CLMP: variants seen among roughly 807,000 people sequenced by gnomAD.
CLMP encodes the protein CXADR-like membrane protein.
CLMP carries 27 observed loss-of-function variants against 45.2 expected under a neutral mutation model. The ratio of observed to expected loss-of-function variants is 0.60; its 90% CI spans 0.44 to 0.82. The LOEUF (loss-of-function observed/expected upper bound fraction) is 0.82, where lower values mean the gene tolerates loss of function less well. CLMP is among the 40% of genes least tolerant of loss of function. The pLI is 0.00. For missense variants in CLMP, 403 were observed against 448.4 expected (o/e 0.90, Z 0.91); for synonymous variants, 167 against 171.4 (o/e 0.97, Z 0.20).
intron 1 of CLMP, among the ~76,000 whole-genome samples, chr11:123,110,093 G>A (rs547902343): frequency 1.7e-4 from 26 of 152,244 alleles, no homozygotes; most frequent in East Asian, 5.8e-4. Flanking sequence ...TCAGAATTAC[G>A]GAATCATTAT....
Position 123,084,569 on chromosome 11 carries a change from A to T in CLMP, c.331T>A (p.Cys111Ser). The stretch of plus-strand genomic sequence containing the variant: ...TAGCGCCCTGAATTCTTAACCTTAC[A>T]GGTGTACCGGCCCTCATCACTGGGC... ...LKPSDEGRYT[C>S]KVKNSGRYVW... Residue 111 changes from cysteine (C) to serine (S), a missense_variant, in exon 3 of 7, where the codon TGT (cysteine) becomes AGT (serine). Coordinates refer to ENST00000448775, the MANE Select transcript of CLMP (RefSeq NM_024769.5). 6.2e-7 allele frequency: 1 copy of T among 1,614,220 alleles called. No homozygotes were observed. The highest frequency in any genetic ancestry group is 8.5e-7 in the Non-Finnish European group (1 of 1,180,042).
intron 1 of CLMP, among the ~76,000 whole-genome samples, chr11:123,112,901 A>G (rs778888607): frequency 4.7e-5 from 7 of 149,768 alleles, no homozygotes; most frequent in Admixed American, 1.4e-4. Context: ...AGCCTCCTGC[A>G]TAGCTGGGAC....
rs115577708 is a variant in CLMP at position 123,109,134 on chromosome 11, G to T, written c.29-11182C>A. Among the ~76,000 whole-genome samples, 24 of 150,860 alleles carry T rather than the reference G, an allele frequency of 1.6e-4. No homozygotes were observed. In the East Asian group the frequency reaches 4.7e-3, roughly 30 times the overall value. ...CCTCCCTTCCCCTCTGTGAAAAACTGTCTCAGTAGGAACTTTGCAAGTGTT... is the reference window on the plus strand; with the variant it reads ...CCTCCCTTCCCCTCTGTGAAAAACTTTCTCAGTAGGAACTTTGCAAGTGTT... On this transcript the variant is annotated intron_variant, in intron 1 of 6. Coordinates refer to ENST00000448775, the MANE Select transcript of CLMP (RefSeq NM_024769.5).
chr11:123,148,903 A>C (rs926839933), intron 1 of CLMP, among the ~76,000 whole-genome samples: 2 of 152,208 alleles, frequency 1.3e-5, no homozygotes, highest in African/African-American at 2.4e-5. Context: ...TTCTAGAAAC[A>C]TCTGCCTCTT....
chr11:123,095,095 T>A (rs1195736121), intron 2 of CLMP, among the ~76,000 whole-genome samples: 1 of 152,204 alleles, frequency 6.6e-6, no homozygotes, highest in East Asian at 1.9e-4. Flanking sequence ...ACATCCTTGC[T>A]TCACAGTATC....
At chr11:123,154,897 C>A (rs1226441722) in intron 1 of CLMP, among the ~76,000 whole-genome samples, 10 of 152,128 alleles carry the variant, frequency 6.6e-5, no homozygotes, top group African/African-American at 2.4e-4. Context: ...GTGGTCAGAA[C>A]TATTTCAAAA....
At chr11:123,120,670 G>A (rs115313897) in intron 1 of CLMP, among the ~76,000 whole-genome samples, 3,395 of 152,072 alleles carry the variant, frequency 0.022, 135 homozygotes, top group African/African-American at 0.077. Context: ...AATAAATTTT[G>A]CTATTATTGT....
In CLMP at chr11:123,134,295, T is replaced by C. The variant is rs531024442; in HGVS notation, c.29-36343A>G. 2.6e-5 allele frequency among the ~76,000 whole-genome samples: 4 copies of C among 151,950 alleles called. No homozygotes were observed. The East Asian group carries it at 7.8e-4, about 29-fold the overall frequency. On this transcript the variant is annotated intron_variant, in intron 1 of 6. Transcript: ENST00000448775. ...AGTATGCTTTTCTCTTATTAATCTG[T>C]CTTTTGTTACAGAGCCCCAGCAAAG...
chr11:123,189,693 C>T (rs1342603390), intron 1 of CLMP, among the ~76,000 whole-genome samples: 3 of 152,092 alleles, frequency 2.0e-5, no homozygotes, highest in Admixed American at 6.5e-5. Context: ...TTTATATGCA[C>T]ATTTTGCCTT....
At chr11:123,156,027 C>G (rs925383562) in intron 1 of CLMP, among the ~76,000 whole-genome samples, 1 of 152,132 alleles carries the variant, frequency 6.6e-6, no homozygotes, top group Non-Finnish European at 1.5e-5. Context: ...TGTTGAAGTT[C>G]TAACCCTCAA....
intron 1 of CLMP, among the ~76,000 whole-genome samples, chr11:123,128,988 G>A (rs1458088662): frequency 6.6e-6 from 1 of 152,124 alleles, no homozygotes; most frequent in Non-Finnish European, 1.5e-5. Flanking sequence ...CACAGCCGGT[G>A]TTAAACTGAA....
rs1040087572 is a variant in CLMP, at chr11:123,082,377, C to A, written c.679+708G>T. Among the ~76,000 whole-genome samples, 3 of 152,250 alleles carry A rather than the reference C, an allele frequency of 2.0e-5. No individual in the cohort carries two copies. In the East Asian group the frequency reaches 5.8e-4, roughly 29 times the overall value. On this transcript the variant is annotated intron_variant, in intron 5 of 6. Coordinates refer to ENST00000448775, the MANE Select transcript of CLMP (RefSeq NM_024769.5). Reference sequence around the variant, plus strand: ...AGGCTGGAGTGCAATGGCACCATCTCGGCTCACTGCAACCTCCGTGTCTCA... The same window carrying A: ...AGGCTGGAGTGCAATGGCACCATCTAGGCTCACTGCAACCTCCGTGTCTCA...
chr11:123,149,893 C>T (rs925287558), intron 1 of CLMP, among the ~76,000 whole-genome samples: 1 of 151,678 alleles, frequency 6.6e-6, no homozygotes, highest in African/African-American at 2.4e-5. Flanking sequence ...CTCACTGCAA[C>T]CTCCGCTCCC....
intron 1 of CLMP, among the ~76,000 whole-genome samples, chr11:123,159,197 C>CA (rs1289202359): frequency 6.6e-6 from 1 of 152,204 alleles, no homozygotes; most frequent in Admixed American, 6.5e-5. Context: ...GAAAGCCCAG[C>CA]AAAAACCCAG....
At chr11:123,120,806 G>A (rs963014456) in intron 1 of CLMP, among the ~76,000 whole-genome samples, 2 of 151,954 alleles carry the variant, frequency 1.3e-5, no homozygotes, top group African/African-American at 4.8e-5. Flanking sequence ...TTTCTCAAAC[G>A]TCTCATGTTA....
At chr11:123,187,420 C>A (rs1174306470) in intron 1 of CLMP, among the ~76,000 whole-genome samples, 2 of 152,192 alleles carry the variant, frequency 1.3e-5, no homozygotes, top group African/African-American at 4.8e-5. Context: ...CAAACCCAAG[C>A]CTATATTTAA....
rs544160589 is a variant in CLMP at position 123,124,203 on chromosome 11, T to TG, written c.29-26252dup. ...CTTTTTCTTTCTTTTTTTGTAGAGA[T>TG]GGGGGTCTTGCTATGTTCCCTAGGC... On this transcript the variant is annotated intron_variant, in intron 1 of 6. Transcript: ENST00000448775. 1.5e-3 allele frequency among the ~76,000 whole-genome samples: 226 copies of TG among 152,214 alleles called. 1 individual carries two copies. Among genetic ancestry groups the TG allele is most frequent in the African/African-American group, 5.2e-3 (216 of 41,510 alleles).
At chr11:123,147,470 G>A (rs974668604) in intron 1 of CLMP, among the ~76,000 whole-genome samples, 2 of 152,084 alleles carry the variant, frequency 1.3e-5, no homozygotes, top group Non-Finnish European at 2.9e-5. Flanking sequence ...TACAGATGGG[G>A]TCTCACCGTG....
intron 1 of CLMP, among the ~76,000 whole-genome samples, chr11:123,131,589 T>C (rs1860988888): frequency 6.6e-6 from 1 of 151,662 alleles, no homozygotes; most frequent in South Asian, 2.1e-4. Flanking sequence ...ATTCTGACCT[T>C]AATCTATCTT....
Sources: gnomAD v4.1 joint callset for allele counts (sites outside exome capture counted in the v4.1 genomes callset) on GRCh38, gnomAD v4.1.1 for gene constraint, MANE v1.5 for transcripts, NCBI Gene and HGNC (gene_info 2026-07-23, HGNC 2026-07-21) for gene names.